Variants in HS3ST2 observed in about 807,000 individuals in gnomAD.
The protein encoded by HS3ST2 is heparan sulfate glucosamine 3-O-sulfotransferase 2.
A neutral mutation model predicts 26.3 loss-of-function variants in HS3ST2; 17 were observed. That is an observed-to-expected ratio of 0.65 (90% CI 0.44 to 0.97). The LOEUF (loss-of-function observed/expected upper bound fraction) is 0.97, where lower values mean the gene tolerates loss of function less well. Among genes scored for constraint, HS3ST2 ranks in the 50% least tolerant of loss-of-function variants. HS3ST2 has a pLI of 0.00. For synonymous variants in HS3ST2, 237 were observed against 219.2 expected (o/e 1.08, Z -0.72); for missense variants, 402 against 501.2 (o/e 0.80, Z 1.89).
intron 1 of HS3ST2, among the ~76,000 whole-genome samples, chr16:22,911,755 G>A (rs1400098028): frequency 2.0e-5 from 3 of 152,194 alleles, no homozygotes; most frequent in Middle Eastern, 3.4e-3. Context: ...ACTCTAATCC[G>A]GGATGATCTC....
intron 1 of HS3ST2, among the ~76,000 whole-genome samples, chr16:22,880,707 G>C (rs1021688696): frequency 6.6e-6 from 1 of 152,120 alleles, no homozygotes. Context: ...CCTCCTGCCT[G>C]CTGGGATTTC....
chr16:22,907,525 C>T (rs1902371223), intron 1 of HS3ST2, among the ~76,000 whole-genome samples: 1 of 152,028 alleles, frequency 6.6e-6, no homozygotes, highest in Non-Finnish European at 1.5e-5. Context: ...CTGGAGACTT[C>T]AGAAGGTTGG....
chr16:22,883,972 C>T (rs1430456042), intron 1 of HS3ST2, among the ~76,000 whole-genome samples: 1 of 152,148 alleles, frequency 6.6e-6, no homozygotes, highest in Non-Finnish European at 1.5e-5. Context: ...GGCTTCCAGA[C>T]CCACCTCTAG....
chr16:22,899,480 G>C (rs115764047), intron 1 of HS3ST2, among the ~76,000 whole-genome samples: 24 of 152,266 alleles, frequency 1.6e-4, no homozygotes, highest in African/African-American at 5.5e-4. Flanking sequence ...CAGAGAAAGG[G>C]AACGGTCTGA....
chr16:22,829,646 A>C (rs1246766650), intron 1 of HS3ST2, among the ~76,000 whole-genome samples: 1 of 152,156 alleles, frequency 6.6e-6, no homozygotes, highest in African/African-American at 2.4e-5. Context: ...GACTCTGGGA[A>C]GGTAGGTCTT....
chr16:22,843,459 G>T (rs1267725975), intron 1 of HS3ST2, among the ~76,000 whole-genome samples: 2 of 152,190 alleles, frequency 1.3e-5, no homozygotes, highest in Non-Finnish European at 1.5e-5. Context: ...AGTTTGACTG[G>T]CTTCAAGTTG....
At chr16:22,860,561 G>A (rs1901660464) in intron 1 of HS3ST2, among the ~76,000 whole-genome samples, 1 of 152,016 alleles carries the variant, frequency 6.6e-6, no homozygotes, top group African/African-American at 2.4e-5. Context: ...ACTTGCTTTT[G>A]GGGAAGGAGT....
intron 1 of HS3ST2, among the ~76,000 whole-genome samples, chr16:22,817,281 C>G (rs146007154): frequency 1.6e-4 from 24 of 152,020 alleles, no homozygotes; most frequent in Non-Finnish European, 2.9e-4. Context: ...GAGGTCTGGT[C>G]GTAATTGCCC....
chr16:22,888,242 A>G (rs1271288052), intron 1 of HS3ST2, among the ~76,000 whole-genome samples: 2 of 151,590 alleles, frequency 1.3e-5, no homozygotes, highest in African/African-American at 2.4e-5. Context: ...AAATCTGAAC[A>G]CTCCCTAAAC....
intron 1 of HS3ST2, among the ~76,000 whole-genome samples, chr16:22,884,184 C>T (rs1902029366): frequency 6.6e-6 from 1 of 152,184 alleles, no homozygotes; most frequent in South Asian, 2.1e-4. Flanking sequence ...TGTTATGTGT[C>T]AGGGACCATT....
intron 1 of HS3ST2, among the ~76,000 whole-genome samples, chr16:22,905,158 AGT>A (rs1390173886): frequency 1.3e-5 from 2 of 152,206 alleles, no homozygotes; most frequent in African/African-American, 4.8e-5. Flanking sequence ...ACATATAAAG[AGT>A]GTACAAATTT....
intron 1 of HS3ST2, among the ~76,000 whole-genome samples, chr16:22,829,732 T>G (rs1429047492): frequency 6.6e-6 from 1 of 152,206 alleles, no homozygotes; most frequent in Non-Finnish European, 1.5e-5. Flanking sequence ...TTCCAAGCTT[T>G]GGCTTCTCCT....
intron 1 of HS3ST2, among the ~76,000 whole-genome samples, chr16:22,888,020 A>G (rs1902084745): frequency 6.6e-6 from 1 of 152,214 alleles, no homozygotes; most frequent in Non-Finnish European, 1.5e-5. Flanking sequence ...TTCAGTTGGG[A>G]CAACTCTAGG....
intron 1 of HS3ST2, 51 bp downstream of exon 1, chr16:22,815,146 TG>T (rs1204715078): frequency 1.3e-6 from 2 of 1,597,760 alleles, no homozygotes; most frequent in Admixed American, 3.6e-5. Context: ...TCGCTTCCAT[TG>T]GGAGAGCCAT....
intron 1 of HS3ST2, among the ~76,000 whole-genome samples, chr16:22,857,442 A>G (rs957314411): frequency 1.3e-5 from 2 of 152,210 alleles, no homozygotes; most frequent in Non-Finnish European, 2.9e-5. Context: ...AACAGTGGAA[A>G]ACGCGTTAAT....
chr16:22,835,329 T>C (rs1316797116), intron 1 of HS3ST2, among the ~76,000 whole-genome samples: 2 of 152,168 alleles, frequency 1.3e-5, no homozygotes, highest in Non-Finnish European at 2.9e-5. Context: ...GTATTTTTAA[T>C]AGTACTTATC....
intron 1 of HS3ST2, among the ~76,000 whole-genome samples, chr16:22,822,253 C>A (rs190128316): frequency 6.6e-6 from 1 of 152,106 alleles, no homozygotes. Context: ...GCAGTCTCAA[C>A]CTCCCAGGCT....
At chr16:22,849,631 G>T (rs184432381) in intron 1 of HS3ST2, among the ~76,000 whole-genome samples, 4 of 152,286 alleles carry the variant, frequency 2.6e-5, no homozygotes. Context: ...CTCAACATAG[G>T]CTTCTAAGGT....
chr16:22,875,369 A>G (rs567904393), intron 1 of HS3ST2, among the ~76,000 whole-genome samples: 1 of 151,492 alleles, frequency 6.6e-6, no homozygotes, highest in East Asian at 1.9e-4. Context: ...ACTTTTAATA[A>G]ATTTATTTAT....
Sources: allele counts gnomAD v4.1 joint callset (sites outside exome capture counted in the v4.1 genomes callset), GRCh38; gene constraint gnomAD v4.1.1; transcripts MANE v1.5; gene names NCBI Gene and HGNC (gene_info 2026-07-23, HGNC 2026-07-21).